Variants in CDC37L1 observed in about 807,000 individuals in gnomAD.
The protein encoded by CDC37L1 is cell division cycle 37 like 1, HSP90 cochaperone.
CDC37L1 carries 32 observed loss-of-function variants against 45.9 expected under a neutral mutation model. The observed-to-expected ratio is 0.70, with a 90% CI of 0.53 to 0.94. The LOEUF (loss-of-function observed/expected upper bound fraction) is 0.94, where lower values mean the gene tolerates loss of function less well. Ranked by LOEUF, CDC37L1 falls within the 40% of genes least tolerant of loss-of-function variation. The pLI is 0.00. For missense variants in CDC37L1, 434 were observed against 405.7 expected, an observed-to-expected ratio of 1.07 and a Z score of -0.60; for synonymous variants, 150 against 133.0, an observed-to-expected ratio of 1.13 and a Z score of -0.88.
chr9:4,690,407 G>A (rs1477620405), intron 3 of CDC37L1, among the ~76,000 whole-genome samples: 1 of 152,156 alleles, frequency 6.6e-6, no homozygotes, highest in Admixed American at 6.5e-5. Flanking sequence ...AGTGCATTGT[G>A]CCGTATTGAG....
chr9:4,699,712 G>A (rs936347783), intron 5 of CDC37L1, among the ~76,000 whole-genome samples: 1 of 152,016 alleles, frequency 6.6e-6, no homozygotes, highest in Non-Finnish European at 1.5e-5. Context: ...AGGGAGGGAG[G>A]GGGAATGCTC....
intron 3 of CDC37L1, among the ~76,000 whole-genome samples, chr9:4,690,503 T>A (rs1283058674): frequency 3.3e-5 from 5 of 152,204 alleles, no homozygotes; most frequent in Non-Finnish European, 7.3e-5. Context: ...GGGGAGAGTC[T>A]ACACTGTCGA....
At chr9:4,691,987 C>G (rs995255262) in intron 3 of CDC37L1, among the ~76,000 whole-genome samples, 8 of 152,128 alleles carry the variant, frequency 5.3e-5, no homozygotes, top group African/African-American at 1.4e-4. Flanking sequence ...ATCTAATTTT[C>G]AGAGCACATC....
rs1841440077 is a variant in CDC37L1 at position 4,706,190 on chromosome 9, T to C, written c.*78T>C. The stretch of plus-strand genomic sequence containing the variant: ...CTTGGCTATTTTCTTGACACTTTTA[T>C]GGGTGCTGCACTTTATTTTTGTTCG... On this transcript the variant is annotated 3_prime_UTR_variant, in exon 7 of 7. Transcript: ENST00000381854. 5.4e-6 allele frequency: 4 copies of C among 741,780 alleles called. No homozygotes were observed. Among genetic ancestry groups the C allele is most frequent in the South Asian group, 4.5e-5 (3 of 67,054 alleles). 45.9% of individuals were successfully genotyped at this position (741,780 alleles called of 1,614,324 possible).
chr9:4,683,251 G>C (rs1220292378), intron 1 of CDC37L1, among the ~76,000 whole-genome samples: 1 of 151,458 alleles, frequency 6.6e-6, no homozygotes, highest in Non-Finnish European at 1.5e-5. Flanking sequence ...ATTTGTCCCA[G>C]TACAAACGTG....
intron 6 of CDC37L1, among the ~76,000 whole-genome samples, chr9:4,704,774 A>G (rs1032380543): frequency 1.3e-5 from 2 of 152,182 alleles, no homozygotes; most frequent in Non-Finnish European, 2.9e-5. Flanking sequence ...AAATAAGCCA[A>G]ATACCATTCA....
chr9:4,680,168 C>T (rs770315091), intron 1 of CDC37L1, among the ~76,000 whole-genome samples: 1 of 152,188 alleles, frequency 6.6e-6, no homozygotes, highest in African/African-American at 2.4e-5. Flanking sequence ...CTTGGAATAC[C>T]TTCCTCCATC....
chr9:4,679,934 G>A (rs1215644635), intron 1 of CDC37L1, 35 bp downstream of exon 1: 2 of 1,611,098 alleles, frequency 1.2e-6, no homozygotes, highest in Middle Eastern at 1.7e-4. Context: ...GAGGGATGGA[G>A]TGGTGCTGTC....
chr9:4,680,586 C>G (rs1030987428), intron 1 of CDC37L1, among the ~76,000 whole-genome samples: 5 of 148,250 alleles, frequency 3.4e-5, no homozygotes, highest in African/African-American at 5.1e-5. Flanking sequence ...GCATTCCTGC[C>G]TTCCTGCGAC....
chr9:4,686,405 T>C (rs545123749), intron 2 of CDC37L1, among the ~76,000 whole-genome samples: 3 of 147,528 alleles, frequency 2.0e-5, no homozygotes, highest in Admixed American at 6.7e-5. Context: ...GATCATTCTT[T>C]ATCTGAGTCA....
intron 6 of CDC37L1, among the ~76,000 whole-genome samples, chr9:4,703,998 A>T (rs1841422067): frequency 6.6e-6 from 1 of 152,198 alleles, no homozygotes; most frequent in South Asian, 2.1e-4. Context: ...GGGCTGGAGA[A>T]AATTTCAGTT....
In CDC37L1 at chr9:4,701,858, T is replaced by C; in HGVS notation, c.748-6T>C. On this transcript the variant is annotated splice_region_variant and splice_polypyrimidine_tract_variant and intron_variant, in intron 5 of 6. Transcript: ENST00000381854. ...CAGTCTTTGTTTTTTTTTTTGTTTT[T>C]TCTAGGCAGAGGAAGAAGGTTATTT... The C allele has an allele frequency of 1.3e-6, 2 of 1,592,804 alleles. No homozygotes were observed. Among genetic ancestry groups the C allele is most frequent in the Non-Finnish European group, 1.7e-6 (2 of 1,172,850 alleles).
At chr9:4,694,923 A>T (rs1023641312) in intron 3 of CDC37L1, among the ~76,000 whole-genome samples, 1 of 152,140 alleles carries the variant, frequency 6.6e-6, no homozygotes, top group Non-Finnish European at 1.5e-5. Flanking sequence ...CATGGCCCCA[A>T]GTGTCAGGAA....
intron 2 of CDC37L1, among the ~76,000 whole-genome samples, chr9:4,688,037 G>A (rs574143684): frequency 2.0e-5 from 3 of 152,124 alleles, no homozygotes; most frequent in African/African-American, 2.4e-5. Context: ...TTGTTCTGTC[G>A]CCTGGGCTGG....
intron 1 of CDC37L1, among the ~76,000 whole-genome samples, chr9:4,684,164 G>A (rs1237298816): frequency 6.6e-6 from 1 of 152,122 alleles, no homozygotes; most frequent in Non-Finnish European, 1.5e-5. Context: ...CATGCCTGTA[G>A]TCCCAGGTAC....
chr9:4,681,563 G>C (rs932961726), intron 1 of CDC37L1, among the ~76,000 whole-genome samples: 1 of 150,544 alleles, frequency 6.6e-6, no homozygotes, highest in South Asian at 2.1e-4. Context: ...AGAATTGTTG[G>C]AGGCAAAGGT....
At chr9:4,683,474 AC>A (rs1200967021) in intron 1 of CDC37L1, among the ~76,000 whole-genome samples, 1 of 152,116 alleles carries the variant, frequency 6.6e-6, no homozygotes, top group Non-Finnish European at 1.5e-5. Flanking sequence ...TGTAGGAGTT[AC>A]CTCGAAGAAA....
intron 5 of CDC37L1, among the ~76,000 whole-genome samples, chr9:4,698,743 C>G (rs1182448315): frequency 2.0e-5 from 3 of 152,102 alleles, no homozygotes; most frequent in South Asian, 2.1e-4. Context: ...AGGAGGTTCT[C>G]TGTCGAAACT....
chr9:4,691,219 GGTTT>G, intron 3 of CDC37L1, among the ~76,000 whole-genome samples: 1 of 152,280 alleles, frequency 6.6e-6, no homozygotes, highest in African/African-American at 2.4e-5. Flanking sequence ...AGGATGTGCA[GGTTT>G]GTTACATAGG....
Sources: gnomAD v4.1 joint callset for allele counts (sites outside exome capture counted in the v4.1 genomes callset) on GRCh38, gnomAD v4.1.1 for gene constraint, MANE v1.5 for transcripts, NCBI Gene and HGNC (gene_info 2026-07-23, HGNC 2026-07-21) for gene names.